The following ATP8A2 variants were observed in gnomAD, a reference collection of about 807,000 sequenced individuals.
ATP8A2 encodes ATPase phospholipid transporting 8A2, also known as phospholipid-transporting ATPase IB.
In ATP8A2, 100 loss-of-function variants were observed where a neutral mutation model predicts 165.6. The observed-to-expected ratio is 0.60, with a 90% CI of 0.51 to 0.71. The LOEUF (loss-of-function observed/expected upper bound fraction) is 0.71, where lower values mean the gene tolerates loss of function less well. Among genes scored for constraint, ATP8A2 ranks in the 30% least tolerant of loss-of-function variants. ATP8A2 has a pLI of 0.00. For missense variants in ATP8A2, 1,227 were observed against 1,479.5 expected, an observed-to-expected ratio of 0.83 and a Z score of 2.80; for synonymous variants, 543 against 548.8, an observed-to-expected ratio of 0.99 and a Z score of 0.15.
chr13:25,871,178 A>T (rs1408416777), intron 33 of ATP8A2: 1 of 407,520 alleles, frequency 2.5e-6, no homozygotes, highest in Non-Finnish European at 4.8e-6. Context: ...GTTAATTTTT[A>T]AAATATCTGT....
chr13:25,725,961 T>C (rs1162981125), intron 25 of ATP8A2, among the ~76,000 whole-genome samples: 1 of 152,206 alleles, frequency 6.6e-6, no homozygotes, highest in Non-Finnish European at 1.5e-5. Context: ...ACCATTTTCC[T>C]GGTAAGATGA....
chr13:25,610,680 A>G (rs111235130), intron 24 of ATP8A2, among the ~76,000 whole-genome samples: 2,694 of 152,076 alleles, frequency 0.018, 91 homozygotes, highest in African/African-American at 0.06. Context: ...TGGGAATTGC[A>G]TTGAATTTGT....
intron 33 of ATP8A2, among the ~76,000 whole-genome samples, chr13:25,881,933 C>A (rs942604748): frequency 6.6e-5 from 10 of 152,090 alleles, no homozygotes; most frequent in African/African-American, 2.4e-4. Flanking sequence ...CACCAGAGTG[C>A]CTGAGTCCAT....
chr13:25,453,622 G>A (rs186300498), intron 1 of ATP8A2, among the ~76,000 whole-genome samples: 56 of 152,320 alleles, frequency 3.7e-4, no homozygotes, highest in African/African-American at 1.3e-3. Flanking sequence ...CTAATCTGAG[G>A]TGGGGTTGTA....
intron 35 of ATP8A2, among the ~76,000 whole-genome samples, chr13:25,972,503 C>A (rs1405070006): frequency 1.3e-5 from 2 of 152,118 alleles, no homozygotes; most frequent in African/African-American, 4.8e-5. Context: ...GAGTGTTTTT[C>A]ACGATGTGGT....
At position 25,408,108 on chromosome 13, in the gene ATP8A2, A is replaced by AAAC. The variant is rs1384011070; in HGVS notation, c.76+35821_76+35822insACA. On this transcript the variant is annotated intron_variant, in intron 1 of 36. Transcript: ENST00000381655. Reference sequence around the variant, plus strand: ...ATATATATATTTGACATTAAAAAAAAATGTGGCTGGGTGCAGTGGCTCATG... The same window carrying AAAC: ...ATATATATATTTGACATTAAAAAAAAAACATGTGGCTGGGTGCAGTGGCTCATG... 5.3e-5 allele frequency among the ~76,000 whole-genome samples: 8 copies of AAAC among 151,378 alleles called. No homozygotes were observed. The East Asian group carries it at 1.6e-3, about 29-fold the overall frequency.
chr13:25,709,836 A>T (rs901469539), intron 25 of ATP8A2, among the ~76,000 whole-genome samples: 2 of 152,236 alleles, frequency 1.3e-5, no homozygotes, highest in Admixed American at 1.3e-4. Flanking sequence ...ACTTAAAAAT[A>T]ATGAATAATG....
intron 33 of ATP8A2, among the ~76,000 whole-genome samples, chr13:25,923,876 G>A (rs78186457): frequency 6.6e-6 from 1 of 152,126 alleles, no homozygotes; most frequent in Non-Finnish European, 1.5e-5. Flanking sequence ...TGTAATCCTA[G>A]CATCTTCTGT....
intron 35 of ATP8A2, among the ~76,000 whole-genome samples, chr13:25,996,467 T>G (rs980347538): frequency 2.0e-5 from 3 of 152,218 alleles, no homozygotes; most frequent in Non-Finnish European, 1.5e-5. Context: ...TTCTTTCTTT[T>G]TTATGTTCCA....
At chr13:25,653,752 G>C (rs1300489713) in intron 24 of ATP8A2, among the ~76,000 whole-genome samples, 1 of 152,138 alleles carries the variant, frequency 6.6e-6, no homozygotes, top group Non-Finnish European at 1.5e-5. Context: ...TGGCAATGTG[G>C]AGATTGTGGT....
At chr13:25,591,180 C>A in intron 24 of ATP8A2, 1 of 421,164 alleles carries the variant, frequency 2.4e-6, no homozygotes, top group Non-Finnish European at 4.8e-6. Context: ...TGAAATACAT[C>A]ATTTAAGTGT....
intron 2 of ATP8A2, among the ~76,000 whole-genome samples, chr13:25,478,855 C>CTTTTTTTTT (rs5802337): frequency 6.7e-6 from 1 of 149,248 alleles, no homozygotes; most frequent in African/African-American, 2.5e-5. Context: ...ATTTGTAACA[C>CTTTTTTTTT]TTTTTTTTTT....
chr13:26,016,987 A>T (rs545734352), intron 36 of ATP8A2, among the ~76,000 whole-genome samples: 1 of 152,342 alleles, frequency 6.6e-6, no homozygotes, highest in South Asian at 2.1e-4. Flanking sequence ...AGCAAGGACT[A>T]GAACCACCCT....
At position 25,809,803 on chromosome 13, in the gene ATP8A2, G is replaced by C. The variant is rs922853654; in HGVS notation, c.2680-18315G>C. Among the ~76,000 whole-genome samples, 3 of 152,046 alleles carry C rather than the reference G, an allele frequency of 2.0e-5. No individual in the cohort carries two copies. The East Asian group carries it at 5.8e-4, about 29-fold the overall frequency. ...ATCTGTCTTTCCCCCTCAATCTCCA[G>C]CTCCTGGAGTAGAGCCTAGTCCATA... is the stretch of plus-strand genomic sequence containing the variant. On this transcript the variant is annotated intron_variant, in intron 27 of 36. Coordinates refer to ENST00000381655, the MANE Select transcript of ATP8A2 (RefSeq NM_016529.6).
At chr13:26,017,527 G>A (rs1957005367) in intron 36 of ATP8A2, among the ~76,000 whole-genome samples, 1 of 152,236 alleles carries the variant, frequency 6.6e-6, no homozygotes, top group Non-Finnish European at 1.5e-5. Flanking sequence ...GGTGCCAGAG[G>A]GAGGCAGGAG....
chr13:25,862,584 A>G (rs889369096), intron 33 of ATP8A2, among the ~76,000 whole-genome samples, 176 bp downstream of exon 33: 2 of 152,224 alleles, frequency 1.3e-5, no homozygotes, highest in African/African-American at 4.8e-5. Context: ...CACCTGGAAG[A>G]GGTCATCCAG....
intron 33 of ATP8A2, among the ~76,000 whole-genome samples, chr13:25,904,397 C>T (rs1408408407): frequency 6.6e-6 from 1 of 152,232 alleles, no homozygotes; most frequent in Admixed American, 6.5e-5. Context: ...CTTCGACATT[C>T]TCCGTTTCCT....
rs1264936201 is a variant in ATP8A2, at chr13:25,839,602, T to G, written c.2934T>G (p.Phe978Leu). Residue 978 changes from phenylalanine (F) to leucine (L), a missense_variant, in exon 30 of 37, where the codon TTT (phenylalanine) becomes TTG (leucine). By Grantham distance (22) the Phe-to-Leu change is conservative. Coordinates refer to ENST00000381655, the MANE Select transcript of ATP8A2 (RefSeq NM_016529.6). ...TCCACTCCCTCATCCTCTTCTGGTTTCCCATGAAAGCTCTGGAGCATGGTA... is the reference window on the plus strand; with the variant it reads ...TCCACTCCCTCATCCTCTTCTGGTTGCCCATGAAAGCTCTGGAGCATGGTA... ...ALVHSLILFW[F>L]PMKALEHDTV... is the part of the protein sequence containing the mutation. 1.9e-6 allele frequency: 3 copies of G among 1,613,936 alleles called. No homozygotes were observed. Among genetic ancestry groups the G allele is most frequent in the African/African-American group, 2.7e-5 (2 of 74,908 alleles).
chr13:25,493,884 G>A (rs2036597060), intron 2 of ATP8A2, among the ~76,000 whole-genome samples: 3 of 152,150 alleles, frequency 2.0e-5, no homozygotes. Context: ...CTGCCAGTAG[G>A]TGAGCTCAGG....
Sources: allele counts gnomAD v4.1 joint callset (sites outside exome capture counted in the v4.1 genomes callset), GRCh38; gene constraint gnomAD v4.1.1; transcripts MANE v1.5; gene names NCBI Gene and HGNC (gene_info 2026-07-23, HGNC 2026-07-21).